SMURF2: variants seen among roughly 807,000 people sequenced by gnomAD.
The protein encoded by SMURF2 is E3 ubiquitin-protein ligase SMURF2.
A neutral mutation model predicts 109.6 loss-of-function variants in SMURF2; 48 were observed. The observed-to-expected ratio is 0.44, with a 90% CI of 0.35 to 0.56. The LOEUF (loss-of-function observed/expected upper bound fraction) is 0.56. Ranked by LOEUF, SMURF2 falls within the 20% of genes least tolerant of loss-of-function variation. The pLI, the probability that SMURF2 is intolerant of heterozygous loss-of-function variation, is 0.01. For missense variants in SMURF2, 575 were observed against 909.0 expected, an observed-to-expected ratio of 0.63 and a Z score of 4.72; for synonymous variants, 288 against 317.1, an observed-to-expected ratio of 0.91 and a Z score of 0.97.
intron 9 of SMURF2, among the ~76,000 whole-genome samples, chr17:64,577,130 T>C (rs1439060850): frequency 6.6e-6 from 1 of 152,134 alleles, no homozygotes; most frequent in East Asian, 1.9e-4. Flanking sequence ...ATTACGGCAC[T>C]ATTCACAATA....
At chr17:64,659,694 T>C (rs1598321957) in intron 1 of SMURF2, among the ~76,000 whole-genome samples, 2 of 152,262 alleles carry the variant, frequency 1.3e-5, no homozygotes, top group South Asian at 4.1e-4. Context: ...AACCCTTTAA[T>C]GTTTATGTCC....
intron 5 of SMURF2, among the ~76,000 whole-genome samples, chr17:64,589,548 G>A (rs1468041259): frequency 1.3e-5 from 2 of 151,926 alleles, no homozygotes; most frequent in Non-Finnish European, 2.9e-5. Context: ...AGGAGTGAGT[G>A]GCAGGTGAGT....
chr17:64,655,509 C>T (rs547695245), intron 1 of SMURF2, among the ~76,000 whole-genome samples: 1 of 151,968 alleles, frequency 6.6e-6, no homozygotes, highest in East Asian at 1.9e-4. Context: ...CCACCATCCT[C>T]AGCCTCCCCA....
At chr17:64,550,287 A>G (rs1969022667) in intron 16 of SMURF2, among the ~76,000 whole-genome samples, 2 of 152,200 alleles carry the variant, frequency 1.3e-5, no homozygotes, top group Non-Finnish European at 2.9e-5. Context: ...TTATTAGTAG[A>G]CTTCAAATAT....
intron 9 of SMURF2, 67 bp from the exon 10 acceptor site, chr17:64,572,023 T>C: frequency 7.2e-7 from 1 of 1,383,752 alleles, no homozygotes; most frequent in Non-Finnish European, 9.9e-7. Context: ...CAAGTGTAAA[T>C]GACACAGAAC....
intron 5 of SMURF2, among the ~76,000 whole-genome samples, chr17:64,586,892 G>A (rs1329513620): frequency 6.6e-6 from 1 of 151,724 alleles, no homozygotes; most frequent in African/African-American, 2.4e-5. Flanking sequence ...TGGGCTGGGC[G>A]CAGTGGCTTC....
intron 16 of SMURF2, among the ~76,000 whole-genome samples, chr17:64,549,196 C>A (rs1304529114): frequency 6.9e-6 from 1 of 144,368 alleles, no homozygotes; most frequent in African/African-American, 2.6e-5. Flanking sequence ...TCGCTTGAAC[C>A]CAGGAAGTAG....
Position 64,547,106 on chromosome 17 carries a change from C to G in SMURF2, c.2071+494G>C, listed in dbSNP as rs1229362059. On this transcript the variant is annotated intron_variant, in intron 17 of 18. Transcript: ENST00000262435. This position sits in a 1 kb window ranked among gnomAD's most constrained non-coding sequence, Gnocchi z 4.2. ...CCAGCTTATTCCACAGAAAACCATT[C>G]TTAAAAAAGGAATATGGTTGTAAAC... is the stretch of plus-strand genomic sequence containing the variant. Among the ~76,000 whole-genome samples, 6 of 152,182 alleles carry G rather than the reference C, an allele frequency of 3.9e-5. No homozygotes were observed. Among genetic ancestry groups the G allele is most frequent in the Non-Finnish European group, 8.8e-5 (6 of 68,034 alleles).
chr17:64,649,278 T>C (rs1555693258), intron 1 of SMURF2, among the ~76,000 whole-genome samples: 1 of 152,146 alleles, frequency 6.6e-6, no homozygotes, highest in Non-Finnish European at 1.5e-5. Flanking sequence ...TACCCTGACA[T>C]CTATCAGTGC....
chr17:64,613,410 T>C (rs1463680718), intron 1 of SMURF2, among the ~76,000 whole-genome samples: 3 of 152,068 alleles, frequency 2.0e-5, no homozygotes, highest in Non-Finnish European at 4.4e-5. Flanking sequence ...CTATGGAAAG[T>C]AGAACTAAGA....
intron 12 of SMURF2, 54 bp from the exon 13 acceptor site, chr17:64,557,776 T>A: frequency 1.0e-6 from 1 of 957,806 alleles, no homozygotes; most frequent in Non-Finnish European, 1.6e-6. Context: ...ACATTTTTAT[T>A]AAGATATGTC....
At chr17:64,661,178 C>G (rs909201306) in intron 1 of SMURF2, among the ~76,000 whole-genome samples, 5 of 152,166 alleles carry the variant, frequency 3.3e-5, no homozygotes, top group African/African-American at 1.2e-4. Flanking sequence ...ACCCTACAAT[C>G]AGACACTTCC....
chr17:64,619,006 A>G (rs1471955538), intron 1 of SMURF2, among the ~76,000 whole-genome samples: 1 of 152,222 alleles, frequency 6.6e-6, no homozygotes, highest in East Asian at 1.9e-4. Flanking sequence ...TGTAAACATG[A>G]GGACAGAAGG....
intron 9 of SMURF2, among the ~76,000 whole-genome samples, chr17:64,577,045 GCCAT>G (rs1159553790): frequency 6.6e-6 from 1 of 151,628 alleles, no homozygotes. Flanking sequence ...TCTTGCCCCA[GCCAT>G]CCCATTACTG....
intron 12 of SMURF2, among the ~76,000 whole-genome samples, chr17:64,558,690 C>G (rs930243284): frequency 2.6e-4 from 39 of 152,144 alleles, no homozygotes; most frequent in Non-Finnish European, 4.9e-4. Flanking sequence ...TTCTTGACTT[C>G]AATGTAAATC....
At chr17:64,613,715 T>TGA (rs1568195575) in intron 1 of SMURF2, among the ~76,000 whole-genome samples, 11 of 134,448 alleles carry the variant, frequency 8.2e-5, no homozygotes, top group African/African-American at 8.5e-5. Context: ...TGTGTGTGTG[T>TGA]GTGTGTGTGT....
intron 9 of SMURF2, among the ~76,000 whole-genome samples, chr17:64,573,925 G>A (rs1598277670): frequency 6.6e-6 from 1 of 152,288 alleles, no homozygotes; most frequent in East Asian, 1.9e-4. Context: ...GGAGCTAAAT[G>A]ATGGGAACAC....
At chr17:64,612,825 G>A (rs1204522082) in intron 1 of SMURF2, among the ~76,000 whole-genome samples, 1 of 151,708 alleles carries the variant, frequency 6.6e-6, no homozygotes, top group African/African-American at 2.4e-5. Context: ...AAAGAACAAA[G>A]AACTTTAAAA....
intron 1 of SMURF2, among the ~76,000 whole-genome samples, chr17:64,627,983 A>G (rs576110639): frequency 6.6e-6 from 1 of 152,294 alleles, no homozygotes; most frequent in African/African-American, 2.4e-5. Flanking sequence ...TTGGTCTCCA[A>G]CAGTCTTTGT....
Sources: gnomAD v4.1 joint callset for allele counts (sites outside exome capture counted in the v4.1 genomes callset) on GRCh38, gnomAD v4.1.1 for gene constraint, Gnocchi (gnomAD v3.1) non-coding constraint, MANE v1.5 for transcripts, NCBI Gene and HGNC (gene_info 2026-07-23, HGNC 2026-07-21) for gene names.